NPHP4: variants seen among roughly 807,000 people sequenced by gnomAD.
NPHP4 encodes nephrocystin-4.
NPHP4 carries 151 observed loss-of-function variants against 155.8 expected under a neutral mutation model. The ratio of observed to expected loss-of-function variants is 0.97; its 90% CI spans 0.85 to 1.11. The LOEUF is 1.11. Among genes scored for constraint, NPHP4 ranks in the 50% least tolerant of loss-of-function variants. The pLI is 0.00. For synonymous variants in NPHP4, 845 were observed against 816.8 expected (o/e 1.03, Z -0.59); for missense variants, 1,956 against 1,925.7 (o/e 1.02, Z -0.29).
intron 1 of NPHP4, among the ~76,000 whole-genome samples, chr1:5,988,685 C>G (rs111845583): frequency 7.9e-5 from 12 of 152,344 alleles, no homozygotes; most frequent in Admixed American, 5.9e-4. Flanking sequence ...TGGTTCACCC[C>G]CTGCATGCTC....
chr1:5,881,436 A>C (rs896272169), intron 18 of NPHP4: 7 of 152,290 alleles, frequency 4.6e-5, no homozygotes, highest in Admixed American at 3.9e-4. Context: ...GCTCTACCTG[A>C]GTTCAGCCCC....
chr1:5,927,828 T>A, intron 10 of NPHP4, 41 bp from the exon 11 acceptor site: 1 of 1,574,368 alleles, frequency 6.4e-7, no homozygotes, highest in South Asian at 1.1e-5. Flanking sequence ...ACTCCCTTCA[T>A]CAGCACGCCT....
rs531682753 is a variant in NPHP4, at chr1:5,877,741, C to T, written c.2612-443G>A. Among the ~76,000 whole-genome samples, 562 of 152,284 alleles carry T rather than the reference C, an allele frequency of 3.7e-3. 4 individuals carry two copies. Among genetic ancestry groups the T allele is most frequent in the Non-Finnish European group, 5.0e-3 (338 of 68,010 alleles). ...AGGCCTTCAGTGAGTGGGGGGCAGG[C>T]GATGAAGCTCAGAGCAGGCCTGGCC... On this transcript the variant is annotated intron_variant, in intron 19 of 29. Coordinates refer to ENST00000378156, the MANE Select transcript of NPHP4 (RefSeq NM_015102.5).
At chr1:5,906,942 G>GACA (rs1391481923) in intron 13 of NPHP4, among the ~76,000 whole-genome samples, 173 bp downstream of exon 13, 1 of 152,242 alleles carries the variant, frequency 6.6e-6, no homozygotes, top group Non-Finnish European at 1.5e-5. Flanking sequence ...ACAGAATGGT[G>GACA]ACAACTGTCT....
chr1:5,873,403 G>C (rs1415362031), intron 22 of NPHP4, 68 bp from the exon 23 acceptor site: 1 of 1,283,590 alleles, frequency 7.8e-7, no homozygotes, highest in Non-Finnish European at 1.1e-6. Flanking sequence ...CCTGTGCTTA[G>C]AGACACCACT....
At chr1:5,990,518 T>C (rs6675050) in intron 1 of NPHP4, among the ~76,000 whole-genome samples, 4 of 151,638 alleles carry the variant, frequency 2.6e-5, no homozygotes, top group African/African-American at 4.8e-5. Context: ...GGAACTCACA[T>C]TCTATGGTTA....
At chr1:5,991,950 CAGG>C (rs1557907084) in intron 1 of NPHP4, among the ~76,000 whole-genome samples, 3 of 48,394 alleles carry the variant, frequency 6.2e-5, no homozygotes, top group African/African-American at 2.7e-4. Flanking sequence ...GGGCAGGGGG[CAGG>C]GGGCAAAGGG....
At chr1:5,913,151 CAAAAAA>C (rs34163161) in intron 11 of NPHP4, among the ~76,000 whole-genome samples, 1 of 81,818 alleles carries the variant, frequency 1.2e-5, no homozygotes, top group Non-Finnish European at 2.4e-5. Context: ...GACTCCATCT[CAAAAAA>C]AAAAAAAAAA....
intron 19 of NPHP4, 57 bp from the exon 20 acceptor site, chr1:5,877,355 CAG>C: frequency 6.9e-7 from 1 of 1,454,226 alleles, no homozygotes; most frequent in Non-Finnish European, 9.3e-7. Context: ...CTTCCAGGAG[CAG>C]ACACCAGGGC....
chr1:5,875,247 G>T, intron 20 of NPHP4, 147 bp from the exon 21 acceptor site: 1 of 714,110 alleles, frequency 1.4e-6, no homozygotes, highest in East Asian at 2.7e-5. Context: ...TGACCATGTG[G>T]TCTGGGTGGA....
intron 26 of NPHP4, chr1:5,866,063 GA>G: frequency 2.3e-6 from 1 of 426,238 alleles, no homozygotes; most frequent in Middle Eastern, 7.2e-4. Context: ...GACTCAGCAA[GA>G]AAAAGGTAAT....
At chr1:5,893,445 C>T (rs1644243536) in intron 16 of NPHP4, among the ~76,000 whole-genome samples, 1 of 152,188 alleles carries the variant, frequency 6.6e-6, no homozygotes, top group Non-Finnish European at 1.5e-5. Context: ...CCTTTCCTGC[C>T]TGGCAGCCCA....
intron 16 of NPHP4, among the ~76,000 whole-genome samples, chr1:5,901,499 C>A (rs2101074302): frequency 6.6e-6 from 1 of 152,306 alleles, no homozygotes; most frequent in African/African-American, 2.4e-5. Context: ...AATTTTAATT[C>A]ATAATGACAA....
chr1:5,947,112 C>G lies in NPHP4; in HGVS notation c.1111G>C (p.Asp371His), dbSNP rs747859488. Residue 371 changes from aspartate (D) to histidine (H), a missense_variant, in exon 9 of 30, where the codon GAC becomes CAC. By Grantham distance (81) the Asp-to-His change is moderately conservative. Transcript: ENST00000378156. ...EYVFSSPAGV[D>H]GNAASVTSLS... ...AAAAGGGCTGTTCTTACATTGCCGTCCACTCCTGCAGGGCTGCTGAACACG... is the reference window on the plus strand; with the variant it reads ...AAAAGGGCTGTTCTTACATTGCCGTGCACTCCTGCAGGGCTGCTGAACACG... The G allele has an allele frequency of 6.2e-7, 1 of 1,614,010 alleles. No individual in the cohort carries two copies. The highest frequency in any genetic ancestry group is 1.1e-5 in the South Asian group (1 of 91,062).
chr1:5,956,674 C>T (rs995003319), intron 6 of NPHP4, among the ~76,000 whole-genome samples: 1 of 152,282 alleles, frequency 6.6e-6, no homozygotes, highest in East Asian at 1.9e-4. Flanking sequence ...GTGTTGCCTT[C>T]GCACATCTGA....
chr1:5,919,996 A>G (rs1000300600), intron 11 of NPHP4, among the ~76,000 whole-genome samples: 10 of 152,108 alleles, frequency 6.6e-5, no homozygotes, highest in Non-Finnish European at 1.5e-4. Context: ...GCAGTGGTGC[A>G]ATCTCGGCTC....
intron 17 of NPHP4, 80 bp from the exon 18 acceptor site, chr1:5,887,546 C>A: frequency 6.8e-7 from 1 of 1,472,852 alleles, no homozygotes. Context: ...GAGGCTGCTC[C>A]CCAGCCCAGC....
At position 5,865,123 on chromosome 1, in the gene NPHP4, G is replaced by A. The variant is rs564829258; in HGVS notation, c.3795C>T (p.Thr1265=). 46 of 1,613,714 alleles carry A rather than the reference G, an allele frequency of 2.9e-5. No individual in the cohort carries two copies. The South Asian group carries it at 4.2e-4, about 15-fold the overall frequency. ...TQTVRKVRAF[T]SHPQELKTDP... The stretch of plus-strand genomic sequence containing the variant: ...GTACCTTCAGCTCCTGGGGATGAGA[G>A]GTGAAAGCTCTCACTTTCCTCACTG... The change falls in exon 27 of 30, where the codon ACC becomes ACT. Residue 1265 remains threonine, a synonymous_variant. Coordinates refer to ENST00000378156, the MANE Select transcript of NPHP4 (RefSeq NM_015102.5).
rs377683582 is a variant in NPHP4, at chr1:5,874,959, C to T, written c.2959G>A (p.Val987Ile). 8.1e-6 allele frequency: 13 copies of T among 1,613,246 alleles called. No homozygotes were observed. The highest frequency in any genetic ancestry group is 1.1e-5 in the South Asian group (1 of 91,080). ...AGCACAAACTCAAAGAACTCGGCGACCCCCAGCGTGGCGTGGAGCGTGTGC... is the reference window on the plus strand; with the variant it reads ...AGCACAAACTCAAAGAACTCGGCGATCCCCAGCGTGGCGTGGAGCGTGTGC... ...TEHTLHATLGVAEFFEFVLKN... is the reference protein window; with the variant it reads ...TEHTLHATLGIAEFFEFVLKN... Residue 987 changes from valine (V) to isoleucine (I), a missense_variant, in exon 21 of 30, where the codon GTC becomes ATC. Physicochemically the swap from Val to Ile is conservative, Grantham distance 29. Coordinates refer to ENST00000378156, the MANE Select transcript of NPHP4 (RefSeq NM_015102.5).
Sources: allele counts gnomAD v4.1 joint callset (sites outside exome capture counted in the v4.1 genomes callset), GRCh38; gene constraint gnomAD v4.1.1; transcripts MANE v1.5; gene names NCBI Gene and HGNC (gene_info 2026-07-23, HGNC 2026-07-21).